MBD5: variants seen among roughly 807,000 people sequenced by gnomAD.
The protein encoded by MBD5 is methyl-CpG binding domain protein 5, also known as methyl-CpG-binding domain protein 5.
Under a neutral mutation model 117.3 loss-of-function variants are expected in MBD5, and 13 were observed. The observed-to-expected ratio is 0.11, with a 90% confidence interval of 0.07 to 0.18. MBD5 has a LOEUF of 0.18. Ranked by LOEUF, MBD5 falls within the 10% of genes least tolerant of loss-of-function variation. The pLI, the probability that MBD5 is intolerant of heterozygous loss-of-function variation, is 1.00. For synonymous variants in MBD5, 727 were observed against 766.4 expected (o/e 0.95, Z 0.85); for missense variants, 1,879 against 2,093.8 (o/e 0.90, Z 2.00).
chr2:148,471,793 TTA>T (rs1680805963), intron 8 of MBD5: 1 of 152,074 alleles, frequency 6.6e-6, no homozygotes, highest in Non-Finnish European at 1.5e-5. Context: ...TCATAAAACT[TTA>T]TGTTTTATGT....
intron 4 of MBD5, among the ~76,000 whole-genome samples, chr2:148,425,431 G>A (rs10803525): frequency 0.61 from 93,043 of 151,982 alleles, 29,524 homozygotes; most frequent in African/African-American, 0.79. Flanking sequence ...GACTAGACAG[G>A]TTCACAGCCA....
chr2:148,160,129 G>A (rs1281544829), intron 1 of MBD5, among the ~76,000 whole-genome samples: 3 of 152,222 alleles, frequency 2.0e-5, no homozygotes, highest in Non-Finnish European at 2.9e-5. Context: ...GCCGGGTGCG[G>A]TGGCTCACGC....
intron 4 of MBD5, among the ~76,000 whole-genome samples, chr2:148,431,897 C>A (rs931218832): frequency 6.6e-6 from 1 of 152,086 alleles, no homozygotes; most frequent in Non-Finnish European, 1.5e-5. Context: ...TGGTTGTATA[C>A]CCCAAAATGG....
chr2:148,388,842 C>T (rs1704460239), intron 4 of MBD5, among the ~76,000 whole-genome samples: 1 of 151,990 alleles, frequency 6.6e-6, no homozygotes, highest in Admixed American at 6.6e-5. Context: ...TATAATTATT[C>T]AAAATTATTA....
chr2:148,475,638 A>G (rs1680939705), intron 8 of MBD5, among the ~76,000 whole-genome samples: 1 of 152,094 alleles, frequency 6.6e-6, no homozygotes, highest in Non-Finnish European at 1.5e-5. Context: ...CAACACATTG[A>G]GCTCACTTAT....
intron 1 of MBD5, among the ~76,000 whole-genome samples, chr2:148,113,446 A>G (rs556738432): frequency 6.6e-6 from 1 of 152,320 alleles, no homozygotes; most frequent in African/African-American, 2.4e-5. Flanking sequence ...CTTGCTCACT[A>G]AAATGTTGTT....
intron 1 of MBD5, among the ~76,000 whole-genome samples, chr2:148,104,342 A>T (rs1696312842): frequency 6.6e-6 from 1 of 152,160 alleles, no homozygotes. Context: ...ATTTACAGGT[A>T]TTTTGTGAAG....
chr2:148,214,022 T>C (rs1699492493), intron 2 of MBD5, among the ~76,000 whole-genome samples: 1 of 152,208 alleles, frequency 6.6e-6, no homozygotes, highest in Non-Finnish European at 1.5e-5. Flanking sequence ...TCTAGGATAT[T>C]CATTCATTTG....
intron 1 of MBD5, among the ~76,000 whole-genome samples, chr2:148,102,923 A>T (rs1205492410): frequency 6.6e-6 from 1 of 152,076 alleles, no homozygotes; most frequent in Non-Finnish European, 1.5e-5. Flanking sequence ...CTTTGTTATG[A>T]CCAAAAAAGT....
intron 1 of MBD5, among the ~76,000 whole-genome samples, chr2:148,148,949 T>C (rs1439887328): frequency 1.3e-5 from 2 of 152,132 alleles, no homozygotes; most frequent in Non-Finnish European, 2.9e-5. Flanking sequence ...TATTTTATTT[T>C]TAATTATACT....
intron 1 of MBD5, among the ~76,000 whole-genome samples, chr2:148,178,130 A>G (rs1043550864): frequency 2.6e-5 from 4 of 152,214 alleles, no homozygotes; most frequent in Admixed American, 2.6e-4. Flanking sequence ...ACATTTGTCT[A>G]TTAGAGGGAA....
At position 148,469,762 on chromosome 2, in the gene MBD5, G is replaced by T; in HGVS notation, c.1819G>T (p.Ala607Ser). 1 of 1,613,996 alleles carries T rather than the reference G, an allele frequency of 6.2e-7. No homozygotes were observed. The highest frequency in any genetic ancestry group is 8.5e-7 in the Non-Finnish European group (1 of 1,179,902). Reference sequence around the variant, plus strand: ...CAGTAGCAGCAGTAGCAATTCTGGAGCTGTTGCCGGCAGTGGCAACACTGA... The same window carrying T: ...CAGTAGCAGCAGTAGCAATTCTGGATCTGTTGCCGGCAGTGGCAACACTGA... ...NNSSSSSNSG[A>S]VAGSGNTEGH... Residue 607 changes from alanine to serine, a missense_variant, in exon 8 of 14, where the codon GCT becomes TCT. This residue lies in a region of MBD5 where 1,666 missense variants were observed against 1,792.2 expected (regional missense o/e 0.93). Transcript: ENST00000642680.
chr2:148,178,436 C>G (rs1280775997), intron 1 of MBD5, among the ~76,000 whole-genome samples: 2 of 152,068 alleles, frequency 1.3e-5, no homozygotes, highest in East Asian at 3.9e-4. Flanking sequence ...ACTAGGTAGG[C>G]AGATCAAATT....
chr2:148,186,412 A>G (rs776321207), intron 2 of MBD5, among the ~76,000 whole-genome samples: 1 of 152,202 alleles, frequency 6.6e-6, no homozygotes, highest in Non-Finnish European at 1.5e-5. Context: ...GACAAATACA[A>G]TGAGTAAAAG....
intron 3 of MBD5, among the ~76,000 whole-genome samples, chr2:148,324,401 G>A (rs930978632): frequency 1.3e-5 from 2 of 152,128 alleles, no homozygotes; most frequent in African/African-American, 4.8e-5. Flanking sequence ...GATGGGGATG[G>A]CATTGAATCT....
chr2:148,375,412 C>T (rs1466289427), intron 4 of MBD5, among the ~76,000 whole-genome samples: 8 of 152,168 alleles, frequency 5.3e-5, no homozygotes, highest in Non-Finnish European at 1.2e-4. Flanking sequence ...GAGCTTGATC[C>T]ACTGCATGCA....
intron 2 of MBD5, among the ~76,000 whole-genome samples, chr2:148,203,443 G>A (rs886688139): frequency 6.6e-6 from 1 of 152,174 alleles, no homozygotes; most frequent in African/African-American, 2.4e-5. Context: ...CTCGCTTGAT[G>A]TCTGTGTGTT....
At chr2:148,170,077 T>G (rs1455069733) in intron 1 of MBD5, among the ~76,000 whole-genome samples, 3 of 152,096 alleles carry the variant, frequency 2.0e-5, no homozygotes, top group African/African-American at 7.2e-5. Context: ...TTTTGTATTT[T>G]TAGTAGAGAC....
intron 4 of MBD5, among the ~76,000 whole-genome samples, chr2:148,373,694 G>A (rs902013925): frequency 6.6e-6 from 1 of 152,074 alleles, no homozygotes; most frequent in Admixed American, 6.6e-5. Flanking sequence ...CTCTTGAGAT[G>A]AGTAACATTT....
Sources: allele counts gnomAD v4.1 joint callset (sites outside exome capture counted in the v4.1 genomes callset), GRCh38; gene constraint gnomAD v4.1.1; regional missense constraint gnomAD v4.1.1; transcripts MANE v1.5; gene names NCBI Gene and HGNC (gene_info 2026-07-23, HGNC 2026-07-21).